DLL3: variants seen among roughly 807,000 people sequenced by gnomAD.
DLL3 encodes the protein delta-like protein 3.
Under a neutral mutation model 55.0 loss-of-function variants are expected in DLL3, and 49 were observed. The ratio of observed to expected loss-of-function variants is 0.89; its 90% CI spans 0.71 to 1.13. The LOEUF (loss-of-function observed/expected upper bound fraction) is 1.13. Ranked by LOEUF, DLL3 falls within the 50% of genes most tolerant of loss-of-function variation. The pLI, the probability that DLL3 is intolerant of heterozygous loss-of-function variation, is 0.00. For missense variants in DLL3, 962 were observed against 875.5 expected, an observed-to-expected ratio of 1.10 and a Z score of -1.25; for synonymous variants, 421 against 385.2, an observed-to-expected ratio of 1.09 and a Z score of -1.09.
At position 39,507,872 on chromosome 19, in the gene DLL3, A is replaced by G. The variant is rs1422934757; in HGVS notation, c.1716A>G (p.Gln572=). Residue 572 remains glutamine (Q), a synonymous_variant, in exon 8 of 9, where the codon CAA becomes CAG. Transcript: ENST00000356433. ...ATCGCCCTGAAGATGTAGACCCTCA[A>G]GGGATTTATGTCATATCTGCTCCTT... ...DWNRPEDVDP[Q]GIYVISAPSI... 1 of 1,614,120 alleles carries G rather than the reference A, an allele frequency of 6.2e-7. No individual in the cohort carries two copies. Among genetic ancestry groups the G allele is most frequent in the Admixed American group, 1.7e-5 (1 of 60,012 alleles).
chr19:39,506,477 G>C (rs1462120052), intron 6 of DLL3, among the ~76,000 whole-genome samples: 1 of 152,036 alleles, frequency 6.6e-6, no homozygotes, highest in Non-Finnish European at 1.5e-5. Flanking sequence ...GGGGTGTGTG[G>C]TACTAGGGAC....
Position 39,507,509 on chromosome 19 carries a change from C to T in DLL3, c.1564C>T (p.Gln522Ter). Residue 522 changes from glutamine (Q) to a stop codon, truncating the protein, a stop_gained, in exon 7 of 9, where the codon CAG becomes TAG. Transcript: ENST00000356433. LOFTEE classifies it high-confidence loss of function. ...LVHVRRRGHS[Q>*]DAGSRLLAGT... The stretch of plus-strand genomic sequence containing the variant: ...CCACGTGCGCCGCCGTGGCCACTCC[C>T]AGGATGCTGGGTCTCGCTTGCTGGC... 1 of 1,600,090 alleles carries T rather than the reference C, an allele frequency of 6.2e-7. No individual in the cohort carries two copies. The highest frequency in any genetic ancestry group is 8.5e-7 in the Non-Finnish European group (1 of 1,174,508).
At position 39,507,238 on chromosome 19, in the gene DLL3, C is replaced by T. The variant is rs1270815638; in HGVS notation, c.1293C>T (p.Asp431=). The T allele has an allele frequency of 1.4e-5, 21 of 1,497,244 alleles. No homozygotes were observed. The highest frequency in any genetic ancestry group is 2.5e-5 in the South Asian group (2 of 80,396). 92.7% of individuals were successfully genotyped at this position (1,497,244 alleles called of 1,614,324 possible). A position where few individuals can be genotyped will look rare whatever the true frequency, so the allele number is the denominator to read the frequency against. Residue 431 remains aspartate, a synonymous_variant, in exon 7 of 9, where the codon GAC becomes GAT. Coordinates refer to ENST00000356433, the MANE Select transcript of DLL3 (RefSeq NM_203486.3). ...FGGRDCRERA[D]PCAARPCAHG... ...GCCGCGACTGCCGCGAGCGCGCGGA[C>T]CCGTGCGCCGCGCGCCCCTGTGCTC...
At chr19:39,500,758 T>G in intron 3 of DLL3, 86 bp downstream of exon 3, 1 of 1,187,334 alleles carries the variant, frequency 8.4e-7, no homozygotes, top group Non-Finnish European at 1.3e-6. Context: ...GGTCTTATGA[T>G]GTCATCACAG....
At chr19:39,500,019 G>C (rs2144756249) in intron 2 of DLL3, among the ~76,000 whole-genome samples, 1 of 152,168 alleles carries the variant, frequency 6.6e-6, no homozygotes, top group East Asian at 1.9e-4. Flanking sequence ...TGACTGCCTG[G>C]TTTCCAGCCT....
At chr19:39,502,388 G>A (rs922021436) in intron 3 of DLL3, among the ~76,000 whole-genome samples, 8 of 151,588 alleles carry the variant, frequency 5.3e-5, no homozygotes, top group African/African-American at 1.7e-4. Context: ...TCAGCCTCCC[G>A]AGTAGATGGG....
chr19:39,502,581 A>T (rs1157056530), intron 3 of DLL3, among the ~76,000 whole-genome samples: 1 of 152,108 alleles, frequency 6.6e-6, no homozygotes, highest in Non-Finnish European at 1.5e-5. Flanking sequence ...AATGTTACCT[A>T]GAGTACTAGA....
At position 39,502,998 on chromosome 19, in the gene DLL3, C is replaced by CGCGGTGCGGTCCGGGACTGCGCCCCT; in HGVS notation, c.597_622dup (p.Ala208GlyfsTer42). ...CTCTGCCGTCCGCGCAGCGCCCCCT[C>CGCGGTGCGGTCCGGGACTGCGCCCCT]GCGGTGCGGTCCGGGACTGCGCCCC... On this transcript the variant is annotated frameshift_variant, in exon 4 of 9. Coordinates refer to ENST00000356433, the MANE Select transcript of DLL3 (RefSeq NM_203486.3). LOFTEE classifies it high-confidence loss of function. 3.4e-6 allele frequency: 5 copies of CGCGGTGCGGTCCGGGACTGCGCCCCT among 1,485,160 alleles called. No homozygotes were observed. The highest frequency in any genetic ancestry group is 4.4e-6 in the Non-Finnish European group (5 of 1,125,734). 92.0% of individuals were successfully genotyped at this position (1,485,160 alleles called of 1,614,324 possible).
chr19:39,502,428 A>G (rs887631563), intron 3 of DLL3, among the ~76,000 whole-genome samples: 3 of 151,640 alleles, frequency 2.0e-5, no homozygotes, highest in South Asian at 2.1e-4. Flanking sequence ...ACGCCTGGCT[A>G]ATTTTTTTAA....
intron 2 of DLL3, among the ~76,000 whole-genome samples, chr19:39,499,748 A>G (rs1334282334): frequency 2.0e-5 from 3 of 151,900 alleles, no homozygotes; most frequent in African/African-American, 7.3e-5. Context: ...TCCTAAACTC[A>G]AGGAACCCTA....
chr19:39,500,422 C>T (rs958887926), intron 2 of DLL3, among the ~76,000 whole-genome samples, 193 bp from the exon 3 acceptor site: 6 of 84,036 alleles, frequency 7.1e-5, no homozygotes, highest in African/African-American at 2.4e-4. Context: ...TGAGATTCTC[C>T]CCCCCCCCCC....
chr19:39,507,937 C>T, intron 8 of DLL3, 23 bp downstream of exon 8: 1 of 1,614,146 alleles, frequency 6.2e-7, no homozygotes, highest in Non-Finnish European at 8.5e-7. Context: ...CTTTTCCCCC[C>T]GCTACACACT....
In DLL3 at chr19:39,507,343, C is replaced by A. The variant is rs777442783; in HGVS notation, c.1398C>A (p.Phe466Leu). The A allele has an allele frequency of 6.4e-6, 10 of 1,571,030 alleles. No homozygotes were observed. The highest frequency in any genetic ancestry group is 7.7e-6 in the Non-Finnish European group (9 of 1,165,658). The change falls in exon 7 of 9, where the codon TTC becomes TTA. Residue 466 changes from phenylalanine (F) to leucine (L), a missense_variant. By Grantham distance (22) the Phe-to-Leu change is conservative. Transcript: ENST00000356433. ...APGYMGARCE[F>L]PVHPDGASAL... ...GCTACATGGGAGCGCGGTGTGAGTT[C>A]CCAGTGCACCCCGACGGCGCAAGCG...
chr19:39,504,041 C>T lies in DLL3; in HGVS notation c.653-30C>T, dbSNP rs201579331. The T allele has an allele frequency of 5.7e-4, 913 of 1,610,976 alleles. 7 individuals carry two copies. The Admixed American group carries it at 0.014, about 24-fold the overall frequency. On this transcript the variant is annotated intron_variant, in intron 4 of 8. Coordinates refer to ENST00000356433, the MANE Select transcript of DLL3 (RefSeq NM_203486.3). ...CTGGCCCTCCCCGACGTTGGTGTTC[C>T]CTTTCTCTCTGCCTCTCTGTCCCCC...
In DLL3 at chr19:39,507,830, C is replaced by T; in HGVS notation, c.1674C>T (p.Ser558=). 1 of 1,614,140 alleles carries T rather than the reference C, an allele frequency of 6.2e-7. No homozygotes were observed. ...RTQEGSGDGP[S]SSVDWNRPED... ...TTTTCTTCTTTCTCTCCTCCCACAGCTCGTCCGTAGATTGGAATCGCCCTG... is the reference window on the plus strand; with the variant it reads ...TTTTCTTCTTTCTCTCCTCCCACAGTTCGTCCGTAGATTGGAATCGCCCTG... Residue 558 remains serine, a splice_region_variant and synonymous_variant, in exon 8 of 9, where the codon AGC becomes AGT. Transcript: ENST00000356433.
Position 39,505,254 on chromosome 19 carries a change from C to T in DLL3, c.896C>T (p.Thr299Ile), listed in dbSNP as rs753915676. 77 of 1,614,158 alleles carry T rather than the reference C, an allele frequency of 4.8e-5. No homozygotes were observed. Among genetic ancestry groups the T allele is most frequent in the Admixed American group, 3.0e-4 (18 of 60,024 alleles). The change falls in exon 6 of 9, where the codon ACC becomes ATC. Residue 299 changes from threonine to isoleucine, a missense_variant. Transcript: ENST00000356433. Reference protein sequence around the residue: ...CSETPRSFECTCPRGFYGLRC... With the variant: ...CSETPRSFECICPRGFYGLRC... ...GAGACACCCAGGTCCTTTGAATGCA[C>T]CTGCCCGCGTGGGTTCTACGGGCTG...
chr19:39,503,613 A>G (rs1057157384), intron 4 of DLL3, among the ~76,000 whole-genome samples: 2 of 152,104 alleles, frequency 1.3e-5, no homozygotes, highest in African/African-American at 4.8e-5. Context: ...ACTTCTCCCC[A>G]AATTTCAGAG....
Position 39,502,904 on chromosome 19 carries a change from GC to G in DLL3, c.501del (p.Trp168GlyfsTer73). 1 of 1,444,808 alleles carries G rather than the reference GC, an allele frequency of 6.9e-7. No homozygotes were observed. The highest frequency in any genetic ancestry group is 1.4e-5 in the South Asian group (1 of 73,812). The allele number at this position is 1,444,808 out of a possible 1,614,324, so 89.5% of individuals were successfully genotyped here. ...PWARDIQRAG[A>X]WELRFSYRAR... ...GGCCCGGGACATTCAGCGCGCAGGC[GC>G]CTGGGAGCTGCGCTTCTCGTACCGC... On this transcript the variant is annotated frameshift_variant, in exon 4 of 9. Transcript: ENST00000356433. LOFTEE classifies it high-confidence loss of function.
Position 39,508,160 on chromosome 19 carries a change from C to T in DLL3, c.1759-92C>T, listed in dbSNP as rs1332031301. On this transcript the variant is annotated intron_variant, in intron 8 of 8. Coordinates refer to ENST00000356433, the MANE Select transcript of DLL3 (RefSeq NM_203486.3). ...CTTGAGGAGGTCACGATGCCGACTCCGCCAGAGCTTTTCCACTGATTGTAC... is the reference window on the plus strand; with the variant it reads ...CTTGAGGAGGTCACGATGCCGACTCTGCCAGAGCTTTTCCACTGATTGTAC... 9 of 1,613,972 alleles carry T rather than the reference C, an allele frequency of 5.6e-6. No individual in the cohort carries two copies. In the Admixed American group the frequency reaches 1.5e-4, roughly 27 times the overall value.
Sources: allele counts gnomAD v4.1 joint callset (sites outside exome capture counted in the v4.1 genomes callset), GRCh38; gene constraint gnomAD v4.1.1; transcripts MANE v1.5; gene names NCBI Gene and HGNC (gene_info 2026-07-23, HGNC 2026-07-21).